Variants in SCHIP1 observed in about 807,000 individuals in gnomAD.
SCHIP1 encodes the protein schwannomin interacting protein 1, also known as schwannomin-interacting protein 1.
SCHIP1 carries 8 observed loss-of-function variants against 29.7 expected under a neutral mutation model. The ratio of observed to expected loss-of-function variants is 0.27; its 90% CI spans 0.16 to 0.49. SCHIP1 has a LOEUF of 0.49. SCHIP1 is among the 20% of genes least tolerant of loss of function. The pLI, the probability that SCHIP1 is intolerant of heterozygous loss-of-function variation, is 0.99. For missense variants in SCHIP1, 193 were observed against 294.6 expected, an observed-to-expected ratio of 0.66 and a Z score of 2.52; for synonymous variants, 76 against 94.9, an observed-to-expected ratio of 0.80 and a Z score of 1.16.
At chr3:159,585,945 A>G in the SCHIP1 span, among the ~76,000 whole-genome samples, 1 of 152,142 alleles carries the variant, frequency 6.6e-6, no homozygotes, top group Non-Finnish European at 1.5e-5. Context: ...AGTGCCTAGC[A>G]TAATATTATT....
the SCHIP1 span, among the ~76,000 whole-genome samples, chr3:159,357,642 G>C: frequency 6.6e-6 from 1 of 152,138 alleles, no homozygotes; most frequent in African/African-American, 2.4e-5. Flanking sequence ...CCTGTTTTTA[G>C]AGTCACCATA....
At chr3:159,828,432 T>C in the SCHIP1 span, among the ~76,000 whole-genome samples, 62 of 61,582 alleles carry the variant, frequency 1.0e-3, 7 homozygotes, top group African/African-American at 2.8e-3. Context: ...TATATATACG[T>C]ATATATACGT....
the SCHIP1 span, among the ~76,000 whole-genome samples, chr3:159,463,719 A>C: frequency 6.7e-6 from 1 of 149,352 alleles, no homozygotes; most frequent in Non-Finnish European, 1.5e-5. Context: ...AAGTATGACA[A>C]CCATGGAAGA....
the SCHIP1 span, among the ~76,000 whole-genome samples, chr3:159,598,974 CTTTT>C: frequency 2.6e-5 from 4 of 151,822 alleles, no homozygotes; most frequent in African/African-American, 4.8e-5. Context: ...ACATTCTTTG[CTTTT>C]TTTTACTCTT....
chr3:159,696,649 G>A, the SCHIP1 span, among the ~76,000 whole-genome samples: 1 of 152,206 alleles, frequency 6.6e-6, no homozygotes, highest in African/African-American at 2.4e-5. Context: ...TTACAGGATT[G>A]CAGGGAGAAA....
intron 2 of SCHIP1, among the ~76,000 whole-genome samples, chr3:159,871,385 T>C (rs1222785878): frequency 7.2e-6 from 1 of 139,806 alleles, no homozygotes; most frequent in African/African-American, 2.5e-5. Context: ...GGGCTTATTA[T>C]AACCTAACGT....
chr3:159,503,911 CTAGA>C, the SCHIP1 span, among the ~76,000 whole-genome samples: 10 of 152,202 alleles, frequency 6.6e-5, no homozygotes, highest in Admixed American at 2.0e-4. Flanking sequence ...AACTCAGAGT[CTAGA>C]TAGAGAACTG....
the SCHIP1 span, among the ~76,000 whole-genome samples, chr3:159,641,812 G>A: frequency 6.6e-6 from 1 of 152,116 alleles, no homozygotes; most frequent in South Asian, 2.1e-4. Context: ...TAAAATATTG[G>A]TGCTGAATTC....
At chr3:159,681,151 T>G in the SCHIP1 span, among the ~76,000 whole-genome samples, 1 of 152,052 alleles carries the variant, frequency 6.6e-6, no homozygotes, top group Non-Finnish European at 1.5e-5. Flanking sequence ...CTGCAGCAAG[T>G]GAGGGATACA....
the SCHIP1 span, among the ~76,000 whole-genome samples, chr3:159,394,067 T>C: frequency 1.3e-3 from 203 of 151,844 alleles, no homozygotes; most frequent in Non-Finnish European, 2.5e-3. Context: ...TTTTATTCTC[T>C]TTGAAGCAAT....
the SCHIP1 span, among the ~76,000 whole-genome samples, chr3:159,367,911 A>G: frequency 6.6e-6 from 1 of 152,212 alleles, no homozygotes; most frequent in South Asian, 2.1e-4. Context: ...GTAACTCAGA[A>G]TTAGTGGACA....
the SCHIP1 span, among the ~76,000 whole-genome samples, chr3:159,388,275 T>C: frequency 0.28 from 42,063 of 151,986 alleles, 6,145 homozygotes; most frequent in African/African-American, 0.37. Context: ...ACAATTGCTT[T>C]GCTATATACC....
the SCHIP1 span, among the ~76,000 whole-genome samples, chr3:159,397,327 A>C: frequency 2.0e-5 from 3 of 152,182 alleles, no homozygotes; most frequent in Non-Finnish European, 4.4e-5. Context: ...AGCTCGTTAA[A>C]GTCATTCTCC....
chr3:159,634,587 T>A, the SCHIP1 span, among the ~76,000 whole-genome samples: 6 of 152,316 alleles, frequency 3.9e-5, no homozygotes, highest in East Asian at 1.2e-3. Flanking sequence ...GTGCCTGTGC[T>A]CCACTGCAAA....
the SCHIP1 span, among the ~76,000 whole-genome samples, chr3:159,452,461 C>A: frequency 7.9e-5 from 12 of 152,286 alleles, no homozygotes; most frequent in Admixed American, 7.9e-4. Flanking sequence ...TCGTCCCTGT[C>A]CCTGCAAAGG....
chr3:159,512,625 A>G, the SCHIP1 span, among the ~76,000 whole-genome samples: 1 of 152,216 alleles, frequency 6.6e-6, no homozygotes, highest in Non-Finnish European at 1.5e-5. Flanking sequence ...AGATGTTTTG[A>G]TACAGACATA....
the SCHIP1 span, among the ~76,000 whole-genome samples, chr3:159,694,283 G>A: frequency 6.6e-6 from 1 of 151,900 alleles, no homozygotes; most frequent in Non-Finnish European, 1.5e-5. Context: ...ACTTTGGGAG[G>A]CCAAGGCGGG....
At chr3:159,750,276 TATATATATATATATATATATAC>T in the SCHIP1 span, among the ~76,000 whole-genome samples, 13 of 15,636 alleles carry the variant, frequency 8.3e-4, no homozygotes, top group South Asian at 2.0e-3. Context: ...TATATATATA[TATATATATATATATATATATAC>T]ACACACACAC....
At chr3:159,374,036 T>C in the SCHIP1 span, among the ~76,000 whole-genome samples, 102 of 152,298 alleles carry the variant, frequency 6.7e-4, no homozygotes, top group Admixed American at 6.6e-3. Flanking sequence ...TACATTCCCA[T>C]TGAAATATTT....
Sources: allele counts gnomAD v4.1 joint callset (sites outside exome capture counted in the v4.1 genomes callset), GRCh38; gene constraint gnomAD v4.1.1; transcripts MANE v1.5; gene names NCBI Gene and HGNC (gene_info 2026-07-23, HGNC 2026-07-21).